NEBL: variants seen among roughly 807,000 people sequenced by gnomAD.
NEBL encodes LIM and SH3 protein 2.
Under a neutral mutation model 140.2 loss-of-function variants are expected in NEBL, and 122 were observed. The observed-to-expected ratio is 0.87, with a 90% confidence interval of 0.75 to 1.01. NEBL has a LOEUF of 1.01. Ranked by LOEUF, NEBL falls within the 50% of genes least tolerant of loss-of-function variation. NEBL has a pLI of 0.00. For missense variants in NEBL, 1,365 were observed against 1,231.3 expected, an observed-to-expected ratio of 1.11 and a Z score of -1.62; for synonymous variants, 436 against 398.9, an observed-to-expected ratio of 1.09 and a Z score of -1.11.
intron 1 of NEBL, among the ~76,000 whole-genome samples, chr10:21,269,601 A>C (rs977785990): frequency 1.3e-5 from 2 of 152,240 alleles, no homozygotes; most frequent in African/African-American, 2.4e-5. Flanking sequence ...ACCCTCTTTC[A>C]TTATCAAAGA....
intron 26 of NEBL, among the ~76,000 whole-genome samples, chr10:20,807,983 A>G (rs1837761964): frequency 7.4e-6 from 1 of 135,292 alleles, no homozygotes; most frequent in Non-Finnish European, 1.5e-5. Flanking sequence ...TTCTCATTTA[A>G]AAAAAAAAAA....
intron 2 of NEBL, among the ~76,000 whole-genome samples, chr10:21,084,204 C>A (rs1330113947): frequency 6.6e-6 from 1 of 152,200 alleles, no homozygotes; most frequent in Admixed American, 6.5e-5. Flanking sequence ...TCTCTGCACC[C>A]TTCATTTAAC....
intron 2 of NEBL, among the ~76,000 whole-genome samples, chr10:21,130,539 G>A (rs1839056989): frequency 6.6e-6 from 1 of 152,046 alleles, no homozygotes; most frequent in African/African-American, 2.4e-5. Flanking sequence ...ATCATACAAT[G>A]TCTTCTCTCA....
intron 4 of NEBL, among the ~76,000 whole-genome samples, chr10:20,921,432 T>A (rs961323815): frequency 3.3e-5 from 5 of 152,178 alleles, no homozygotes; most frequent in African/African-American, 1.2e-4. Flanking sequence ...GGAGATCAGA[T>A]GACAGGATAA....
intron 3 of NEBL, among the ~76,000 whole-genome samples, chr10:20,970,931 T>C (rs1487023197): frequency 6.6e-6 from 1 of 152,158 alleles, no homozygotes; most frequent in Non-Finnish European, 1.5e-5. Context: ...CAACATTCTG[T>C]AAATAAGCAG....
intron 2 of NEBL, among the ~76,000 whole-genome samples, chr10:21,046,897 C>T (rs1222286300): frequency 3.9e-5 from 6 of 152,142 alleles, no homozygotes; most frequent in East Asian, 1.9e-4. Context: ...CCACCGCGCC[C>T]GGCCCCTAAC....
chr10:21,178,688 C>A (rs1841340227), upstream of NEBL, among the ~76,000 whole-genome samples: 1 of 152,194 alleles, frequency 6.6e-6, no homozygotes, highest in Admixed American at 6.5e-5. Flanking sequence ...AGCACAGTGA[C>A]AAACTTCAAA....
At chr10:20,852,217 G>T (rs1257240764) in intron 10 of NEBL, among the ~76,000 whole-genome samples, 1 of 152,112 alleles carries the variant, frequency 6.6e-6, no homozygotes, top group East Asian at 1.9e-4. Context: ...TGCTCAAAAT[G>T]ACAAATCAAG....
chr10:21,023,260 T>TA (rs113881821), intron 2 of NEBL, among the ~76,000 whole-genome samples: 1,978 of 152,338 alleles, frequency 0.013, 37 homozygotes, highest in African/African-American at 0.045. Flanking sequence ...AACCATTTTT[T>TA]AAACTGTAAT....
chr10:21,280,036 A>C (rs1228941933), intron 1 of NEBL, among the ~76,000 whole-genome samples: 1 of 152,098 alleles, frequency 6.6e-6, no homozygotes. Flanking sequence ...GAAGCCAAAA[A>C]GTCCCCTAAA....
chr10:20,939,505 G>C (rs375011018), intron 4 of NEBL, among the ~76,000 whole-genome samples: 1 of 152,248 alleles, frequency 6.6e-6, no homozygotes, highest in Admixed American at 6.5e-5. Flanking sequence ...GACCATCGAG[G>C]CTAGGAAGAA....
At chr10:20,885,670 G>A (rs567277146) in intron 4 of NEBL, among the ~76,000 whole-genome samples, 36 of 152,296 alleles carry the variant, frequency 2.4e-4, no homozygotes, top group African/African-American at 8.2e-4. Context: ...TGGAAACATC[G>A]GAAAAGTTAC....
intron 3 of NEBL, among the ~76,000 whole-genome samples, chr10:21,218,596 C>A (rs1190745642): frequency 1.3e-5 from 2 of 151,990 alleles, no homozygotes; most frequent in Non-Finnish European, 2.9e-5. Context: ...AAAACTTTTC[C>A]TCTGCCCATG....
chr10:21,187,630 C>T (rs1277702791), intron 3 of NEBL, among the ~76,000 whole-genome samples: 2 of 152,104 alleles, frequency 1.3e-5, no homozygotes, highest in African/African-American at 2.4e-5. Flanking sequence ...TCTCCCACCT[C>T]AGCCTCCTGA....
At chr10:20,880,091 G>A (rs11012372) in intron 5 of NEBL, among the ~76,000 whole-genome samples, 1,921 of 152,270 alleles carry the variant, frequency 0.013, 39 homozygotes, top group African/African-American at 0.044. Context: ...GGCCAGGCAC[G>A]GTGGCTCGTG....
intron 2 of NEBL, among the ~76,000 whole-genome samples, chr10:21,083,520 T>C (rs7897830): frequency 0.031 from 4,719 of 152,192 alleles, 107 homozygotes; most frequent in African/African-American, 0.061. Flanking sequence ...TGCAGTCACT[T>C]AGCTAAGATC....
chr10:21,013,466 G>C (rs181217822), intron 3 of NEBL, among the ~76,000 whole-genome samples: 1 of 152,318 alleles, frequency 6.6e-6, no homozygotes, highest in Admixed American at 6.5e-5. Context: ...TCAAAGAAAA[G>C]AGAAAGTTAG....
At chr10:21,191,483 G>C (rs139047046) in intron 3 of NEBL, among the ~76,000 whole-genome samples, 7 of 152,272 alleles carry the variant, frequency 4.6e-5, no homozygotes, top group Non-Finnish European at 8.8e-5. Context: ...ATAGTACATG[G>C]ATACCAGGTT....
chr10:20,952,203 G>A (rs755825399), intron 4 of NEBL, among the ~76,000 whole-genome samples: 1 of 152,120 alleles, frequency 6.6e-6, no homozygotes, highest in African/African-American at 2.4e-5. Context: ...TTGGGAAACC[G>A]AGGGAGGTGG....
Sources: allele counts gnomAD v4.1 joint callset (sites outside exome capture counted in the v4.1 genomes callset), GRCh38; gene constraint gnomAD v4.1.1; transcripts MANE v1.5; gene names NCBI Gene and HGNC (gene_info 2026-07-23, HGNC 2026-07-21).